The following MYH9 variants were observed in gnomAD, a reference collection of about 807,000 sequenced individuals.
MYH9 encodes myosin heavy chain 9, also known as myosin-9.
MYH9 carries 29 observed loss-of-function variants against 241.9 expected under a neutral mutation model. That is an observed-to-expected ratio of 0.12 (90% confidence interval 0.09 to 0.16). The LOEUF (loss-of-function observed/expected upper bound fraction) is 0.16. MYH9 is among the 10% of genes least tolerant of loss of function. MYH9 has a pLI of 1.00. For synonymous variants in MYH9, 1,047 were observed against 1,062.6 expected (o/e 0.99, Z 0.29); for missense variants, 1,803 against 2,595.5 (o/e 0.69, Z 6.63).
rs73405760 is a variant in MYH9 at position 36,325,972 on chromosome 22, T to C, written c.612+596A>G. ...AAATACAGAATTCAAGGGCACACGA[T>C]GGGCAGAACACGCATTCCCAGTGCA... is the stretch of plus-strand genomic sequence containing the variant. On this transcript the variant is annotated intron_variant, in intron 5 of 40. Transcript: ENST00000216181. Among the ~76,000 whole-genome samples the C allele has an allele frequency of 1.1e-3, 167 of 152,300 alleles. 1 individual carries two copies. Among genetic ancestry groups the C allele is most frequent in the African/African-American group, 4.0e-3 (165 of 41,562 alleles).
chr22:36,300,181 T>G lies in MYH9; in HGVS notation c.2922A>C (p.Lys974Asn), dbSNP rs760011069. The G allele has an allele frequency of 6.2e-7, 1 of 1,613,340 alleles. No homozygotes were observed. Among genetic ancestry groups the G allele is most frequent in the East Asian group, 2.2e-5 (1 of 44,882 alleles). ...LEKVTTEAKL[K>N]KLEEEQIILE... is the part of the protein sequence containing the mutation. ...GGATGATCTGCTCCTCCTCCAGCTT[T>G]TTCAGCTTCGCCTCGGTGGTCACCT... Residue 974 changes from lysine to asparagine, a missense_variant, in exon 23 of 41, where the codon AAA (lysine) becomes AAC (asparagine). Physicochemically the swap from Lys to Asn is moderately conservative, Grantham distance 94. Coordinates refer to ENST00000216181, the MANE Select transcript of MYH9 (RefSeq NM_002473.6). This position sits in a 1 kb window ranked among gnomAD's most constrained non-coding sequence, Gnocchi z 5.0.
chr22:36,292,024 C>T lies in MYH9; in HGVS notation c.4306G>A (p.Ala1436Thr), dbSNP rs373912645. Residue 1436 changes from alanine to threonine, a missense_variant, in exon 31 of 41, where the codon GCG (alanine) becomes ACG (threonine). By Grantham distance (58) the Ala-to-Thr change is moderately conservative. This residue lies in a region of MYH9 where 876 missense variants were observed against 1,077.8 expected (regional missense o/e 0.81). Coordinates refer to ENST00000216181, the MANE Select transcript of MYH9 (RefSeq NM_002473.6). ...TTCTGCTTCTTCTCCAGGTTGCACG[C>T]GCTCTGGCGCTGGTGGTCCAGGTCC... ...LVDLDHQRQS[A>T]CNLEKKQKKF... The T allele has an allele frequency of 1.7e-5, 28 of 1,614,082 alleles. No homozygotes were observed. The highest frequency in any genetic ancestry group is 2.7e-5 in the African/African-American group (2 of 74,958).
rs11912881 is a variant in MYH9 at position 36,327,393 on chromosome 22, T to A, written c.518+68A>T. ...CTGCAAGCCCCAGTTGTGGTTTCAG[T>A]AGGAGACCTCAAGAATGAGAACAGA... On this transcript the variant is annotated intron_variant, in intron 4 of 40. Transcript: ENST00000216181. 20,423 of 1,588,048 alleles carry A rather than the reference T, an allele frequency of 0.013. 2,385 individuals are homozygous for A. The African/African-American group carries it at 0.25, about 19-fold the overall frequency.
intron 3 of MYH9, among the ~76,000 whole-genome samples, chr22:36,339,469 T>C (rs777636992): frequency 8.5e-5 from 13 of 152,220 alleles, no homozygotes; most frequent in Non-Finnish European, 1.6e-4. Context: ...CATTCTACTT[T>C]AGAACTGAAG....
At chr22:36,316,772 G>A (rs748615556) in intron 11 of MYH9, 103 bp from the exon 12 acceptor site, 226 of 1,361,452 alleles carry the variant, frequency 1.7e-4, no homozygotes, top group Admixed American at 3.9e-4. Flanking sequence ...CCCCCTAGAG[G>A]AACAGCCCTA....
chr22:36,344,076 G>A (rs887445172), intron 2 of MYH9, among the ~76,000 whole-genome samples: 25 of 152,320 alleles, frequency 1.6e-4, no homozygotes, highest in African/African-American at 5.1e-4. Context: ...AGTGGTCTAC[G>A]GGAGCTCAAA....
intron 1 of MYH9, among the ~76,000 whole-genome samples, chr22:36,358,935 G>T (rs1274094859): frequency 2.0e-5 from 3 of 152,098 alleles, no homozygotes; most frequent in Non-Finnish European, 4.4e-5. Flanking sequence ...CATTCATCTT[G>T]CCCCTGCCCT....
chr22:36,289,765 G>A (rs1569534836), intron 31 of MYH9, among the ~76,000 whole-genome samples: 1 of 152,110 alleles, frequency 6.6e-6, no homozygotes, highest in African/African-American at 2.4e-5. Context: ...GCACCCACCT[G>A]GCTCTATCCT....
intron 1 of MYH9, among the ~76,000 whole-genome samples, chr22:36,353,371 T>C (rs984583220): frequency 6.6e-6 from 1 of 152,138 alleles, no homozygotes; most frequent in African/African-American, 2.4e-5. Flanking sequence ...TTTGAAACTT[T>C]TTTTTTTGAG....
chr22:36,342,425 C>A (rs577613556), intron 2 of MYH9, among the ~76,000 whole-genome samples: 10 of 152,256 alleles, frequency 6.6e-5, no homozygotes, highest in African/African-American at 2.4e-4. Flanking sequence ...GCAGCATAGC[C>A]TTGGAGAGGA....
intron 3 of MYH9, among the ~76,000 whole-genome samples, chr22:36,336,698 TACTG>T (rs1429515869): frequency 3.3e-5 from 5 of 152,160 alleles, no homozygotes; most frequent in Non-Finnish European, 5.9e-5. Context: ...TGTAACTACT[TACTG>T]ACTGACACAC....
intron 30 of MYH9, among the ~76,000 whole-genome samples, chr22:36,292,454 G>A (rs910980633): frequency 5.3e-5 from 8 of 152,200 alleles, no homozygotes; most frequent in Admixed American, 4.6e-4. Context: ...GAAGCCCGGG[G>A]GAGGCTGACC....
chr22:36,317,592 G>A (rs1216288132), intron 11 of MYH9, among the ~76,000 whole-genome samples: 1 of 152,232 alleles, frequency 6.6e-6, no homozygotes, highest in Non-Finnish European at 1.5e-5. Flanking sequence ...GAGCTTCCAA[G>A]TATTTTTGAG....
intron 18 of MYH9, 122 bp from the exon 19 acceptor site, chr22:36,304,277 G>T (rs773986516): frequency 1.9e-6 from 2 of 1,070,590 alleles, no homozygotes; most frequent in Non-Finnish European, 1.4e-6. Context: ...ACGAGCATCT[G>T]GAGAGCAGAA....
chr22:36,307,769 T>A (rs2016995091), intron 15 of MYH9, among the ~76,000 whole-genome samples: 1 of 151,954 alleles, frequency 6.6e-6, no homozygotes, highest in Non-Finnish European at 1.5e-5. Flanking sequence ...GTGCCTGTAA[T>A]CCTAGCTACT....
At chr22:36,359,706 G>C (rs1017375120) in intron 1 of MYH9, among the ~76,000 whole-genome samples, 1 of 152,170 alleles carries the variant, frequency 6.6e-6, no homozygotes, top group Non-Finnish European at 1.5e-5. Flanking sequence ...AAAGAATCTT[G>C]GCTGGCATGG....
intron 1 of MYH9, among the ~76,000 whole-genome samples, chr22:36,370,888 T>C (rs1273357208): frequency 6.6e-6 from 1 of 152,166 alleles, no homozygotes; most frequent in Non-Finnish European, 1.5e-5. Flanking sequence ...GGAGGGGCAT[T>C]GATACTTATC....
chr22:36,386,975 G>A (rs564222516), intron 1 of MYH9, among the ~76,000 whole-genome samples: 1 of 152,364 alleles, frequency 6.6e-6, no homozygotes, highest in Non-Finnish European at 1.5e-5. Flanking sequence ...CCGCCCAGAC[G>A]GGATGGCCCC....
rs1227096055 is a variant in MYH9, at chr22:36,349,260, G to C, written c.-19-5C>G. On this transcript the variant is annotated splice_polypyrimidine_tract_variant and splice_region_variant and intron_variant, in intron 1 of 40. Transcript: ENST00000216181. The stretch of plus-strand genomic sequence containing the variant: ...ATGGTGACTTATAGCCAGGACCTAA[G>C]CGGGGAGGAGAAGGACAACACATTA... 10 of 1,608,552 alleles carry C rather than the reference G, an allele frequency of 6.2e-6. No homozygotes were observed. The highest frequency in any genetic ancestry group is 7.7e-6 in the Non-Finnish European group (9 of 1,175,700).
Sources: allele counts gnomAD v4.1 joint callset (sites outside exome capture counted in the v4.1 genomes callset), GRCh38; gene constraint gnomAD v4.1.1; regional missense constraint gnomAD v4.1.1; non-coding constraint Gnocchi (gnomAD v3.1); transcripts MANE v1.5; gene names NCBI Gene and HGNC (gene_info 2026-07-23, HGNC 2026-07-21).